KCNMA1: variants seen among roughly 807,000 people sequenced by gnomAD.
The protein encoded by KCNMA1 is potassium calcium-activated channel subfamily M alpha 1.
In KCNMA1, 29 loss-of-function variants were observed where a neutral mutation model predicts 140.0. The observed-to-expected ratio is 0.21, with a 90% CI of 0.15 to 0.28. The LOEUF is 0.28. Among genes scored for constraint, KCNMA1 ranks in the 10% least tolerant of loss-of-function variants. KCNMA1 has a pLI of 1.00. For synonymous variants in KCNMA1, 612 were observed against 611.9 expected (o/e 1.00, Z 0.00); for missense variants, 880 against 1,602.2 (o/e 0.55, Z 7.70).
intron 19 of KCNMA1, among the ~76,000 whole-genome samples, chr10:76,976,993 A>G (rs1180305595): frequency 6.6e-6 from 1 of 152,134 alleles, no homozygotes; most frequent in African/African-American, 2.4e-5. Flanking sequence ...GATAATTTTT[A>G]CTTTACATCC....
chr10:77,336,949 G>C (rs531978512), intron 2 of KCNMA1, among the ~76,000 whole-genome samples: 4 of 152,346 alleles, frequency 2.6e-5, no homozygotes, highest in East Asian at 1.9e-4. Flanking sequence ...GCTGTGGGTA[G>C]AGCCTGTGCT....
At chr10:77,434,645 C>A (rs1211897056) in intron 1 of KCNMA1, among the ~76,000 whole-genome samples, 2 of 152,138 alleles carry the variant, frequency 1.3e-5, no homozygotes, top group Admixed American at 1.3e-4. Context: ...TCCATCAATA[C>A]GGGTGAAATA....
At chr10:77,553,238 C>T (rs979238515) in intron 1 of KCNMA1, among the ~76,000 whole-genome samples, 3 of 151,962 alleles carry the variant, frequency 2.0e-5, no homozygotes, top group African/African-American at 7.2e-5. Flanking sequence ...TTTTTTCCCC[C>T]GTGGGACTCC....
rs562285791 is a variant in KCNMA1 at position 76,917,622 on chromosome 10, A to G, written c.2903-2573T>C. ...CTGACAAACTATGGTAGGTGTCCAAAGACATCTCTCTGTTGAAGGCCCAAC... is the reference window on the plus strand; with the variant it reads ...CTGACAAACTATGGTAGGTGTCCAAGGACATCTCTCTGTTGAAGGCCCAAC... On this transcript the variant is annotated intron_variant, in intron 23 of 27. Coordinates refer to ENST00000286628, the MANE Select transcript of KCNMA1 (RefSeq NM_001161352.2). Among the ~76,000 whole-genome samples, 16 of 152,250 alleles carry G rather than the reference A, an allele frequency of 1.1e-4. No individual in the cohort carries two copies. The East Asian group carries it at 3.1e-3, about 29-fold the overall frequency.
At chr10:77,174,962 T>G (rs761948479) in intron 5 of KCNMA1, among the ~76,000 whole-genome samples, 2 of 152,146 alleles carry the variant, frequency 1.3e-5, no homozygotes, top group Non-Finnish European at 2.9e-5. Context: ...GGCCTGAACA[T>G]GAAGAGTTTT....
At chr10:77,244,478 A>G (rs1565457790) in intron 3 of KCNMA1, among the ~76,000 whole-genome samples, 1 of 152,328 alleles carries the variant, frequency 6.6e-6, no homozygotes, top group East Asian at 1.9e-4. Context: ...AATGACAAAT[A>G]AGCAAGGAAG....
intron 2 of KCNMA1, among the ~76,000 whole-genome samples, chr10:77,359,075 C>T (rs1006680234): frequency 1.6e-4 from 25 of 152,158 alleles, no homozygotes; most frequent in African/African-American, 6.0e-4. Flanking sequence ...AAGGCACTTC[C>T]TGCAGAGATC....
intron 1 of KCNMA1, among the ~76,000 whole-genome samples, chr10:77,557,634 C>A (rs1393090745): frequency 6.9e-6 from 1 of 144,164 alleles, no homozygotes; most frequent in Non-Finnish European, 1.5e-5. Flanking sequence ...ATTCAGACTG[C>A]CCAGGAAGTG....
intron 2 of KCNMA1, among the ~76,000 whole-genome samples, chr10:77,330,486 C>T (rs2085952526): frequency 6.6e-6 from 1 of 152,204 alleles, no homozygotes; most frequent in African/African-American, 2.4e-5. Context: ...AACCTAAAGC[C>T]TCCAGGAGTC....
intron 2 of KCNMA1, among the ~76,000 whole-genome samples, chr10:77,330,597 A>T (rs978212475): frequency 3.3e-5 from 5 of 152,148 alleles, no homozygotes; most frequent in Non-Finnish European, 7.3e-5. Context: ...TCTTCTTAAC[A>T]TCCCTCCAAA....
At chr10:77,534,445 T>G (rs1275469439) in intron 1 of KCNMA1, among the ~76,000 whole-genome samples, 1 of 152,136 alleles carries the variant, frequency 6.6e-6, no homozygotes. Flanking sequence ...CATCAAACGA[T>G]AACCAACTGG....
intron 1 of KCNMA1, among the ~76,000 whole-genome samples, chr10:77,506,073 A>T (rs1449059734): frequency 6.6e-6 from 1 of 152,218 alleles, no homozygotes; most frequent in African/African-American, 2.4e-5. Flanking sequence ...ATTTCCTCTT[A>T]GGGAATTGTA....
chr10:77,413,429 C>A (rs1386119054), intron 1 of KCNMA1, among the ~76,000 whole-genome samples: 2 of 152,132 alleles, frequency 1.3e-5, no homozygotes, highest in African/African-American at 4.8e-5. Context: ...GGTTTCCCAG[C>A]CACGGGCATT....
chr10:77,527,445 CAG>C (rs1294684657), intron 1 of KCNMA1, among the ~76,000 whole-genome samples: 1 of 152,206 alleles, frequency 6.6e-6, no homozygotes, highest in African/African-American at 2.4e-5. Flanking sequence ...CAGGCAGTCA[CAG>C]GGGGAGAGGG....
intron 1 of KCNMA1, chr10:77,635,377 A>AT (rs1245872320): frequency 3.3e-5 from 5 of 152,178 alleles, no homozygotes; most frequent in Non-Finnish European, 1.5e-5. Context: ...TATGATAAAA[A>AT]TTGCCCCCTG....
chr10:77,606,480 C>T (rs1266464023), intron 1 of KCNMA1, among the ~76,000 whole-genome samples: 3 of 152,118 alleles, frequency 2.0e-5, no homozygotes, highest in Non-Finnish European at 2.9e-5. Context: ...CACAGTAGTG[C>T]GCACCTGTAG....
intron 4 of KCNMA1, among the ~76,000 whole-genome samples, chr10:77,183,889 C>A (rs374266488): frequency 6.6e-6 from 1 of 152,134 alleles, no homozygotes; most frequent in African/African-American, 2.4e-5. Context: ...TTTCTAGTGC[C>A]CCATAGAGAG....
intron 19 of KCNMA1, chr10:76,973,090 T>A (rs773451624): frequency 2.2e-4 from 33 of 152,236 alleles, no homozygotes; most frequent in Non-Finnish European, 4.3e-4. Context: ...CACTACCTCA[T>A]GACGATGCAA....
intron 1 of KCNMA1, among the ~76,000 whole-genome samples, chr10:77,548,454 A>C (rs969650249): frequency 2.6e-5 from 4 of 152,254 alleles, no homozygotes; most frequent in African/African-American, 9.6e-5. Context: ...TTCATGTAGC[A>C]GATGCCACTA....
Sources: allele counts gnomAD v4.1 joint callset (sites outside exome capture counted in the v4.1 genomes callset), GRCh38; gene constraint gnomAD v4.1.1; transcripts MANE v1.5; gene names NCBI Gene and HGNC (gene_info 2026-07-23, HGNC 2026-07-21).